The following CEP89 variants were observed in gnomAD, a reference collection of about 807,000 sequenced individuals.
CEP89 encodes the protein centrosomal protein 89, also known as centrosomal protein of 89 kDa.
A neutral mutation model predicts 97.6 loss-of-function variants in CEP89; 95 were observed. The ratio of observed to expected loss-of-function variants is 0.97; its 90% CI spans 0.82 to 1.15. The LOEUF (loss-of-function observed/expected upper bound fraction) is 1.15. Ranked by LOEUF, CEP89 falls within the 50% of genes most tolerant of loss-of-function variation. The probability of loss-of-function intolerance (pLI) is 0.00; values close to 1 mark genes in which losing one functional copy is unlikely to be tolerated. For synonymous variants in CEP89, 354 were observed against 349.1 expected (o/e 1.01, Z -0.16); for missense variants, 869 against 947.7 (o/e 0.92, Z 1.09).
chr19:32,922,622 C>T (rs1245331364), intron 12 of CEP89, among the ~76,000 whole-genome samples: 3 of 152,098 alleles, frequency 2.0e-5, no homozygotes, highest in African/African-American at 4.8e-5. Flanking sequence ...CCAAGGTGGG[C>T]AGATCACATG....
Position 32,877,010 on chromosome 19 carries a change from G to A in CEP89, c.*2152C>T, listed in dbSNP as rs1417697457. ...CTGCTGACAAGCACTCCTGCCCCGCGCAGCCACGCTGGGCTGCCGCCGCCT... is the reference window on the plus strand; with the variant it reads ...CTGCTGACAAGCACTCCTGCCCCGCACAGCCACGCTGGGCTGCCGCCGCCT... On this transcript the variant is annotated 3_prime_UTR_variant, in exon 19 of 19. Transcript: ENST00000305768. The A allele has an allele frequency of 2.6e-5, 4 of 152,336 alleles. No individual in the cohort carries two copies. In the East Asian group the frequency reaches 7.7e-4, roughly 29 times the overall value. The allele number at this position is 152,336 out of a possible 1,614,324, so 9.4% of individuals were successfully genotyped here. A position where few individuals can be genotyped will look rare whatever the true frequency, so the allele number is the denominator to read the frequency against.
In CEP89 at chr19:32,944,301, C is replaced by T. The variant is rs982859571; in HGVS notation, c.595+3965G>A. On this transcript the variant is annotated intron_variant, in intron 5 of 18. Transcript: ENST00000305768. Reference sequence around the variant, plus strand: ...AAATGGTTACATGGCATAGAAGCTGCGAAAGGAAACCTGGGCGCAGCACAC... The same window carrying T: ...AAATGGTTACATGGCATAGAAGCTGTGAAAGGAAACCTGGGCGCAGCACAC... Among the ~76,000 whole-genome samples, 12 of 149,442 alleles carry T rather than the reference C, an allele frequency of 8.0e-5. 1 individual carries two copies. Among genetic ancestry groups the T allele is most frequent in the Non-Finnish European group, 1.3e-4 (9 of 67,674 alleles).
chr19:32,905,125 A>G (rs2145893779), intron 14 of CEP89, among the ~76,000 whole-genome samples: 1 of 152,222 alleles, frequency 6.6e-6, no homozygotes, highest in South Asian at 2.1e-4. Flanking sequence ...CAGTGCTGTT[A>G]ATGTTGTCAG....
chr19:32,883,326 T>C (rs1394909613), intron 17 of CEP89, among the ~76,000 whole-genome samples: 1 of 152,128 alleles, frequency 6.6e-6, no homozygotes, highest in Non-Finnish European at 1.5e-5. Context: ...GTTTTTTGAT[T>C]TTGCTTATTA....
chr19:32,919,736 C>T (rs2145913326), intron 12 of CEP89, among the ~76,000 whole-genome samples: 1 of 152,308 alleles, frequency 6.6e-6, no homozygotes, highest in East Asian at 1.9e-4. Flanking sequence ...GAAATCTTGG[C>T]CCACTGCAAC....
intron 10 of CEP89, 86 bp downstream of exon 10, chr19:32,926,848 C>T (rs1970368641): frequency 3.4e-6 from 4 of 1,163,928 alleles, no homozygotes; most frequent in Middle Eastern, 1.9e-4. Flanking sequence ...AGACATGAGC[C>T]ACCGCGCCTG....
Position 32,930,493 on chromosome 19 carries a change from C to T in CEP89, c.1029+936G>A, listed in dbSNP as rs895344992. Among the ~76,000 whole-genome samples the T allele has an allele frequency of 2.6e-5, 4 of 151,934 alleles. No individual in the cohort carries two copies. The East Asian group carries it at 5.8e-4, about 22-fold the overall frequency. ...CTGTTATTAAAAAAAAAAAGTGAAA[C>T]GTAAGCCCTCCTTCAAAAAGCAACT... is the stretch of plus-strand genomic sequence containing the variant. On this transcript the variant is annotated intron_variant, in intron 9 of 18. Transcript: ENST00000305768.
chr19:32,879,452 A>G (rs1599702052), intron 18 of CEP89, 74 bp from the exon 19 acceptor site: 1 of 1,247,886 alleles, frequency 8.0e-7, no homozygotes, highest in East Asian at 2.3e-5. Context: ...AAGTAGCAAG[A>G]ACTCAAAACA....
At chr19:32,896,159 A>G (rs1404638308) in intron 16 of CEP89, among the ~76,000 whole-genome samples, 2 of 152,240 alleles carry the variant, frequency 1.3e-5, no homozygotes, top group Non-Finnish European at 2.9e-5. Flanking sequence ...CTGAAAAGGC[A>G]AATCAGTCCT....
chr19:32,951,874 C>T (rs139821252), intron 4 of CEP89, among the ~76,000 whole-genome samples: 23 of 152,134 alleles, frequency 1.5e-4, no homozygotes, highest in African/African-American at 5.5e-4. Context: ...CTCTTTCTTC[C>T]AAGGGAAATA....
chr19:32,956,646 T>C (rs1818634800), intron 3 of CEP89, among the ~76,000 whole-genome samples: 1 of 152,104 alleles, frequency 6.6e-6, no homozygotes, highest in African/African-American at 2.4e-5. Context: ...GGATTACAGG[T>C]GTGAACCACC....
At position 32,951,534 on chromosome 19, in the gene CEP89, TACACACACAC is replaced by T. The variant is rs60580377; in HGVS notation, c.492+2071_492+2080del. On this transcript the variant is annotated intron_variant, in intron 4 of 18. Coordinates refer to ENST00000305768, the MANE Select transcript of CEP89 (RefSeq NM_032816.5). The stretch of plus-strand genomic sequence containing the variant: ...AATTATATATATATATATATATATA[TACACACACAC>T]ACACACACACACACACACACACGCA... Among the ~76,000 whole-genome samples the T allele has an allele frequency of 5.4e-4, 66 of 122,042 alleles. 1 individual carries two copies. Among genetic ancestry groups the T allele is most frequent in the African/African-American group, 2.1e-3 (62 of 29,276 alleles). 80.1% of individuals were successfully genotyped at this position (122,042 alleles called of 152,430 possible).
chr19:32,894,583 G>C lies in CEP89; in HGVS notation c.1875+5274C>G, dbSNP rs559048726. Among the ~76,000 whole-genome samples the C allele has an allele frequency of 2.0e-5, 3 of 152,342 alleles. No homozygotes were observed. In the East Asian group the frequency reaches 5.8e-4, roughly 29 times the overall value. On this transcript the variant is annotated intron_variant, in intron 16 of 18. Transcript: ENST00000305768. ...AGGCACAAGGTTTAGCTTACAGTGA[G>C]CTTTTCCTCATTTTAATAGTAAAAA... is the stretch of plus-strand genomic sequence containing the variant.
At chr19:32,932,108 G>A (rs934222476) in intron 8 of CEP89, among the ~76,000 whole-genome samples, 2 of 151,890 alleles carry the variant, frequency 1.3e-5, no homozygotes, top group Non-Finnish European at 2.9e-5. Flanking sequence ...GTGAACCCAG[G>A]GGGTGGAGCT....
At chr19:32,966,608 C>T in intron 1 of CEP89, 142 bp from the exon 2 acceptor site, 1 of 421,020 alleles carries the variant, frequency 2.4e-6, no homozygotes. Context: ...CACTCCTCCC[C>T]TGCCATCCCC....
intron 15 of CEP89, among the ~76,000 whole-genome samples, chr19:32,900,246 A>AT (rs55730702): frequency 0.025 from 3,376 of 133,912 alleles, 175 homozygotes; most frequent in African/African-American, 0.083. Context: ...GAATAGGTTC[A>AT]TTTTTTTTTT....
intron 14 of CEP89, among the ~76,000 whole-genome samples, chr19:32,912,857 ACGGTGAAAC>A (rs931822737): frequency 1.7e-4 from 26 of 151,484 alleles, no homozygotes; most frequent in Non-Finnish European, 2.1e-4. Flanking sequence ...CCTGGCTGAC[ACGGTGAAAC>A]CCCGTCTCTA....
intron 12 of CEP89, among the ~76,000 whole-genome samples, chr19:32,921,942 G>A (rs12983019): frequency 0.22 from 33,505 of 152,156 alleles, 3,918 homozygotes; most frequent in East Asian, 0.51. Flanking sequence ...TTCCAGTGAT[G>A]TTAAGACATT....
In CEP89 at chr19:32,904,535, T is replaced by A. The variant is rs79922274; in HGVS notation, c.1566-3123A>T. On this transcript the variant is annotated intron_variant, in intron 14 of 18. Coordinates refer to ENST00000305768, the MANE Select transcript of CEP89 (RefSeq NM_032816.5). ...GGTTCCTTCCTTTTAATTAAAAAAATTTTTTCTCATGATGATAGCCTATCA... is the reference window on the plus strand; with the variant it reads ...GGTTCCTTCCTTTTAATTAAAAAAAATTTTTCTCATGATGATAGCCTATCA... Among the ~76,000 whole-genome samples the A allele has an allele frequency of 6.5e-3, 996 of 152,226 alleles. 13 individuals are homozygous for A. Among genetic ancestry groups the A allele is most frequent in the African/African-American group, 0.023 (944 of 41,542 alleles).
Sources: allele counts gnomAD v4.1 joint callset (sites outside exome capture counted in the v4.1 genomes callset), GRCh38; gene constraint gnomAD v4.1.1; transcripts MANE v1.5; gene names NCBI Gene and HGNC (gene_info 2026-07-23, HGNC 2026-07-21).